AP2B1: variants seen among roughly 807,000 people sequenced by gnomAD.
AP2B1 encodes the protein adaptor related protein complex 2 subunit beta 1.
Under a neutral mutation model 102.0 loss-of-function variants are expected in AP2B1, and 23 were observed. The ratio of observed to expected loss-of-function variants is 0.23; its 90% CI spans 0.16 to 0.32. AP2B1 has a LOEUF of 0.32. AP2B1 is among the 10% of genes least tolerant of loss of function. AP2B1 has a pLI of 1.00. For missense variants in AP2B1, 541 were observed against 1,157.4 expected (o/e 0.47, Z 7.73); for synonymous variants, 381 against 421.2 (o/e 0.90, Z 1.17).
chr17:35,717,084 C>A, intron 20 of AP2B1, 111 bp from the exon 21 acceptor site: 1 of 1,193,728 alleles, frequency 8.4e-7, no homozygotes, highest in Admixed American at 2.0e-5. Flanking sequence ...GTCCATGTGA[C>A]AGTACTTGTC....
rs1294345307 is a variant in AP2B1 at position 35,588,703 on chromosome 17, CATTCCAGTGAT to C, written c.-24+1276_-24+1286del. The C allele has an allele frequency of 2.2e-4, 33 of 152,226 alleles. 1 individual carries two copies. 9.4% of individuals were successfully genotyped at this position (152,226 alleles called of 1,614,324 possible). A position where few individuals can be genotyped will look rare whatever the true frequency, so the allele number is the denominator to read the frequency against. On this transcript the variant is annotated intron_variant, in intron 1 of 21. Transcript: ENST00000610402. Reference sequence around the variant, plus strand: ...AGCTCTATAAGAAAACGTGTTAAGACATTCCAGTGATGACTAAGCGTGCTGGTAAGGTGAGA... The same window carrying C: ...AGCTCTATAAGAAAACGTGTTAAGACGACTAAGCGTGCTGGTAAGGTGAGA...
At chr17:35,672,156 A>G (rs1342856640) in intron 16 of AP2B1, among the ~76,000 whole-genome samples, 1 of 152,196 alleles carries the variant, frequency 6.6e-6, no homozygotes, top group East Asian at 1.9e-4. Flanking sequence ...GTTTAGAAAT[A>G]TTGTCTAGTT....
chr17:35,661,613 T>C (rs1407110237), intron 14 of AP2B1, among the ~76,000 whole-genome samples: 2 of 152,252 alleles, frequency 1.3e-5, no homozygotes, highest in African/African-American at 2.4e-5. Flanking sequence ...AATTTAGATA[T>C]GGTCGCTCAG....
chr17:35,716,373 T>A (rs2076551706), intron 20 of AP2B1, among the ~76,000 whole-genome samples: 1 of 152,200 alleles, frequency 6.6e-6, no homozygotes, highest in African/African-American at 2.4e-5. Context: ...TTATGTCCTT[T>A]TTGAAACTGT....
chr17:35,718,419 C>A (rs1236967766), intron 21 of AP2B1, among the ~76,000 whole-genome samples: 3 of 151,562 alleles, frequency 2.0e-5, no homozygotes, highest in Non-Finnish European at 4.4e-5. Context: ...TGAAAAACTT[C>A]AGGCTTCCCT....
Position 35,671,814 on chromosome 17 carries a change from G to C in AP2B1, c.2092G>C (p.Ala698Pro). 6.2e-7 allele frequency: 1 copy of C among 1,613,660 alleles called. No homozygotes were observed. The highest frequency in any genetic ancestry group is 8.5e-7 in the Non-Finnish European group (1 of 1,179,878). Residue 698 changes from alanine to proline, a missense_variant, in exon 16 of 22, where the codon GCT (alanine) becomes CCT (proline). By Grantham distance (27) the Ala-to-Pro change is conservative. Coordinates refer to ENST00000610402, the MANE Select transcript of AP2B1 (RefSeq NM_001030006.2). ...PATFAPSPTP[A>P]VVSSGLNDLF... ...AACCTTTGCTCCTTCACCTACACCT[G>C]CTGTGGTCAGCAGTGGACTGAATGA...
At chr17:35,639,848 T>C in intron 11 of AP2B1, 88 bp downstream of exon 11, 1 of 1,172,976 alleles carries the variant, frequency 8.5e-7, no homozygotes, top group South Asian at 1.5e-5. Context: ...CAGTTTCTTC[T>C]GTGTCTGTAT....
At chr17:35,705,055 C>T (rs763058634) in intron 18 of AP2B1, among the ~76,000 whole-genome samples, 1 of 151,906 alleles carries the variant, frequency 6.6e-6, no homozygotes, top group Non-Finnish European at 1.5e-5. Context: ...GAAAGAACAA[C>T]ATATAAAAAA....
At chr17:35,680,686 G>GTTTTT (rs1167550201) in intron 17 of AP2B1, among the ~76,000 whole-genome samples, 1,344 of 59,686 alleles carry the variant, frequency 0.023, 52 homozygotes, top group Middle Eastern at 0.059. Flanking sequence ...TATGGTTTTG[G>GTTTTT]TTTTTTTTTT....
chr17:35,693,067 G>T (rs1207739290), intron 18 of AP2B1, among the ~76,000 whole-genome samples: 1 of 152,116 alleles, frequency 6.6e-6, no homozygotes, highest in African/African-American at 2.4e-5. Flanking sequence ...GCCCAGGCTG[G>T]AGTACAATGG....
intron 13 of AP2B1, 114 bp from the exon 14 acceptor site, chr17:35,657,485 C>G: frequency 1.4e-6 from 1 of 694,930 alleles, no homozygotes; most frequent in Non-Finnish European, 2.2e-6. Flanking sequence ...GAGAGTTTTT[C>G]CCCCTTGTAT....
rs571422074 is a variant in AP2B1, at chr17:35,647,953, T to A, written c.1537-2577T>A. 5.3e-5 allele frequency among the ~76,000 whole-genome samples: 8 copies of A among 150,826 alleles called. No individual in the cohort carries two copies. The East Asian group carries it at 1.6e-3, about 30-fold the overall frequency. ...GTCATCCAGGCTGGACTGCAGTGAC[T>A]TGATCTCAGCTCAATGCAACCTCCA... On this transcript the variant is annotated intron_variant, in intron 12 of 21. Transcript: ENST00000610402.
chr17:35,715,947 T>C (rs2076542932), intron 20 of AP2B1, among the ~76,000 whole-genome samples: 1 of 152,200 alleles, frequency 6.6e-6, no homozygotes, highest in South Asian at 2.1e-4. Context: ...GGGTGAGAGC[T>C]ACCTGCAAAA....
rs775171583 is a variant in AP2B1, at chr17:35,674,334, G to A, written c.2324+13G>A. 1.9e-6 allele frequency: 3 copies of A among 1,613,402 alleles called. No homozygotes were observed. The highest frequency in any genetic ancestry group is 2.2e-5 in the East Asian group (1 of 44,888). On this transcript the variant is annotated intron_variant, in intron 17 of 21. Coordinates refer to ENST00000610402, the MANE Select transcript of AP2B1 (RefSeq NM_001030006.2). ...TTAACAAAAATAGGTAAGCAATCTGGGTCCCTAGCTTGATGTTGAGACAAC... is the reference window on the plus strand; with the variant it reads ...TTAACAAAAATAGGTAAGCAATCTGAGTCCCTAGCTTGATGTTGAGACAAC...
chr17:35,702,334 A>T (rs1405637065), intron 18 of AP2B1, among the ~76,000 whole-genome samples: 1 of 152,210 alleles, frequency 6.6e-6, no homozygotes, highest in Non-Finnish European at 1.5e-5. Context: ...CTCAAAGGAG[A>T]CAGGGAAAGA....
At chr17:35,605,091 A>G (rs984240988) in intron 3 of AP2B1, among the ~76,000 whole-genome samples, 1 of 152,050 alleles carries the variant, frequency 6.6e-6, no homozygotes, top group African/African-American at 2.4e-5. Context: ...ATTTTTGTAG[A>G]GAGGATCTCG....
chr17:35,612,064 CTTTA>C (rs1311102059), intron 5 of AP2B1, among the ~76,000 whole-genome samples: 2 of 152,240 alleles, frequency 1.3e-5, no homozygotes, highest in Admixed American at 1.3e-4. Context: ...TTTGTTGTCT[CTTTA>C]TTTATAGATT....
chr17:35,627,245 CTTTTTTTTTTTT>C (rs569701571), intron 7 of AP2B1, 128 bp from the exon 8 acceptor site: 34 of 178,468 alleles, frequency 1.9e-4, no homozygotes, highest in Middle Eastern at 2.9e-3. Context: ...GAAGTTTATG[CTTTTTTTTTTTT>C]TTTTTTTTTT....
chr17:35,666,902 G>C (rs770477893), intron 14 of AP2B1, among the ~76,000 whole-genome samples: 2 of 152,196 alleles, frequency 1.3e-5, no homozygotes, highest in Non-Finnish European at 2.9e-5. Flanking sequence ...TCATGAGGCT[G>C]AGGTGGGAGA....
Sources: gnomAD v4.1 joint callset for allele counts (sites outside exome capture counted in the v4.1 genomes callset) on GRCh38, gnomAD v4.1.1 for gene constraint, MANE v1.5 for transcripts, NCBI Gene and HGNC (gene_info 2026-07-23, HGNC 2026-07-21) for gene names.